Variants in SERINC2 observed in about 807,000 individuals in gnomAD.
SERINC2 encodes tumor differentially expressed protein 2.
In SERINC2, 56 loss-of-function variants were observed where a neutral mutation model predicts 54.2. The ratio of observed to expected loss-of-function variants is 1.03; its 90% confidence interval spans 0.83 to 1.29. SERINC2 has a LOEUF of 1.29. Ranked by LOEUF, SERINC2 falls within the 50% of genes most tolerant of loss-of-function variation. SERINC2 has a pLI of 0.00. For synonymous variants in SERINC2, 272 were observed against 253.1 expected, an observed-to-expected ratio of 1.07 and a Z score of -0.71; for missense variants, 614 against 607.4, an observed-to-expected ratio of 1.01 and a Z score of -0.12.
intron 7 of SERINC2, 115 bp from the exon 8 acceptor site, chr1:31,429,282 G>A: frequency 1.5e-6 from 2 of 1,317,138 alleles, no homozygotes; most frequent in Admixed American, 4.2e-5. Flanking sequence ...GGACTTGAGT[G>A]GTTGGCTGTG....
intron 8 of SERINC2, among the ~76,000 whole-genome samples, chr1:31,430,897 C>T (rs1313852843): frequency 3.3e-5 from 5 of 152,216 alleles, no homozygotes; most frequent in African/African-American, 9.6e-5. Flanking sequence ...TCCATCCATC[C>T]CAGTTCCAAC....
chr1:31,428,193 C>T (rs1290915588), intron 6 of SERINC2, among the ~76,000 whole-genome samples: 2 of 152,222 alleles, frequency 1.3e-5, no homozygotes, highest in African/African-American at 2.4e-5. Flanking sequence ...GCACCCGCCA[C>T]CACACCCAGC....
chr1:31,411,386 C>T (rs1205577886), upstream of SERINC2, among the ~76,000 whole-genome samples: 1 of 152,164 alleles, frequency 6.6e-6, no homozygotes, highest in Non-Finnish European at 1.5e-5. Flanking sequence ...GCTTGATTTA[C>T]ATTTCGCGTG....
chr1:31,414,069 G>A, intron 1 of SERINC2: 5 of 1,490,748 alleles, frequency 3.4e-6, no homozygotes, highest in South Asian at 1.3e-5. Flanking sequence ...AGGCGGGTGC[G>A]GGTCGTCACG....
chr1:31,433,312 A>G (rs782236785), intron 9 of SERINC2, 127 bp downstream of exon 9: 23 of 755,070 alleles, frequency 3.0e-5, no homozygotes, highest in Non-Finnish European at 4.4e-5. Context: ...GTGTGTATCA[A>G]GGACCCTCCA....
In SERINC2 at chr1:31,425,789, C is replaced by T. The variant is rs782101347; in HGVS notation, c.486C>T (p.Phe162=). ...DGSFTNIWFY[F]GVVGSFLFIL... is the part of the protein sequence containing the mutation. The stretch of plus-strand genomic sequence containing the variant: ...CTCCCCACCCAGTCTGGTTCTACTT[C>T]GGCGTCGTGGGCTCCTTCCTCTTCA... The change falls in exon 5 of 10, where the codon TTC becomes TTT. Residue 162 remains phenylalanine, a synonymous_variant. Coordinates refer to ENST00000373709, the MANE Select transcript of SERINC2 (RefSeq NM_178865.5). 6.2e-6 allele frequency: 10 copies of T among 1,613,200 alleles called. No individual in the cohort carries two copies. Among genetic ancestry groups the T allele is most frequent in the East Asian group, 2.2e-5 (1 of 44,878 alleles).
chr1:31,428,583 C>T (rs1005728279), intron 6 of SERINC2, among the ~76,000 whole-genome samples: 4 of 152,164 alleles, frequency 2.6e-5, no homozygotes, highest in Admixed American at 1.3e-4. Context: ...GCTGCCTGTG[C>T]GGAGATGCTG....
upstream of SERINC2, chr1:31,410,266 A>T: frequency 6.7e-7 from 1 of 1,489,438 alleles, no homozygotes; most frequent in Non-Finnish European, 8.9e-7. Context: ...ATCTGGGAGT[A>T]AAGGCTGATG....
intron 8 of SERINC2, among the ~76,000 whole-genome samples, chr1:31,430,704 T>C (rs1641172417): frequency 6.6e-6 from 1 of 152,232 alleles, no homozygotes; most frequent in Non-Finnish European, 1.5e-5. Context: ...CACAACTAGG[T>C]AGCTGTAGGT....
chr1:31,428,543 G>C (rs1553133942), intron 6 of SERINC2, among the ~76,000 whole-genome samples: 4 of 152,114 alleles, frequency 2.6e-5, no homozygotes, highest in Non-Finnish European at 5.9e-5. Flanking sequence ...CCAGGGCTCC[G>C]CAGGAGTCCT....
rs782026024 is a variant in SERINC2 at position 31,423,707 on chromosome 1, C to G, written c.54C>G (p.Cys18Trp). ...CCCTCCCGCAGGCGTCCTGCCTCTG[C>G]GGCTCTGCCCCCTGCATCCTGTGCA... ...CSLLSCASCL[C>W]GSAPCILCSC... The change falls in exon 2 of 10, where the codon TGC becomes TGG. Residue 18 changes from cysteine to tryptophan, a missense_variant. Physicochemically the swap from Cys to Trp is radical, Grantham distance 215 (BLOSUM62 -2). Transcript: ENST00000373709. 2 of 1,609,446 alleles carry G rather than the reference C, an allele frequency of 1.2e-6. No individual in the cohort carries two copies. Among genetic ancestry groups the G allele is most frequent in the Admixed American group, 1.7e-5 (1 of 59,994 alleles).
At chr1:31,409,793 C>G (rs1157759706), upstream of SERINC2, 5 of 1,549,598 alleles carry the variant, frequency 3.2e-6, no homozygotes, top group African/African-American at 6.8e-5. Context: ...GACAGCGAAG[C>G]CCAAGGGATA....
At chr1:31,433,516 T>C (rs1641384418) in intron 9 of SERINC2, among the ~76,000 whole-genome samples, 1 of 151,776 alleles carries the variant, frequency 6.6e-6, no homozygotes. Flanking sequence ...AGGATCAGGG[T>C]GTGGAGTGCA....
upstream of SERINC2, among the ~76,000 whole-genome samples, chr1:31,411,082 C>T (rs1315045450): frequency 2.0e-5 from 3 of 152,180 alleles, no homozygotes; most frequent in African/African-American, 4.8e-5. Context: ...CACTGCTTGA[C>T]TGTGTGCCAG....
upstream of SERINC2, among the ~76,000 whole-genome samples, chr1:31,411,671 G>C (rs893482118): frequency 6.6e-6 from 1 of 152,064 alleles, no homozygotes; most frequent in African/African-American, 2.4e-5. Context: ...AGCTTCAAAG[G>C]GGAGAAAGAG....
intron 8 of SERINC2, among the ~76,000 whole-genome samples, 155 bp from the exon 9 acceptor site, chr1:31,432,809 GAGT>G (rs1641349656): frequency 6.6e-6 from 1 of 152,184 alleles, no homozygotes; most frequent in Non-Finnish European, 1.5e-5. Flanking sequence ...CAGAAAATGG[GAGT>G]GGGGGTAGGG....
In SERINC2 at chr1:31,413,479, G is replaced by A. The variant is rs1640696393; in HGVS notation, c.39+175G>A. ...GACCTTCACTCGGCACCCGGATCCC[G>A]CTGCCCCCGTCCCCCTGCTCAGTCC... On this transcript the variant is annotated intron_variant, in intron 1 of 9. Transcript: ENST00000373709. The surrounding 1 kb of genome is among the most constrained non-coding windows in gnomAD (Gnocchi z 5.0). Among the ~76,000 whole-genome samples the A allele has an allele frequency of 6.6e-6, 1 of 151,782 alleles. No homozygotes were observed. The highest frequency in any genetic ancestry group is 1.5e-5 in the Non-Finnish European group (1 of 67,906).
chr1:31,425,556 C>A, intron 4 of SERINC2, 147 bp downstream of exon 4: 1 of 885,450 alleles, frequency 1.1e-6, no homozygotes, highest in Non-Finnish European at 1.8e-6. Context: ...TGAGACAGCA[C>A]TGTGGTGCTT....
chr1:31,414,022 G>A (rs1370045824), intron 1 of SERINC2: 1 of 1,522,850 alleles, frequency 6.6e-7, no homozygotes, highest in Non-Finnish European at 8.8e-7. Flanking sequence ...GGATGGGAGC[G>A]GAGGGAGCCC....
Sources: gnomAD v4.1 joint callset for allele counts (sites outside exome capture counted in the v4.1 genomes callset) on GRCh38, gnomAD v4.1.1 for gene constraint, Gnocchi (gnomAD v3.1) non-coding constraint, MANE v1.5 for transcripts, NCBI Gene and HGNC (gene_info 2026-07-23, HGNC 2026-07-21) for gene names.